Variants in CUX1 observed in about 807,000 individuals in gnomAD.
CUX1 encodes cut like homeobox 1.
In CUX1, 31 loss-of-function variants were observed where a neutral mutation model predicts 158.8. That is an observed-to-expected ratio of 0.20 (90% confidence interval 0.15 to 0.26). CUX1 has a LOEUF of 0.26. Ranked by LOEUF, CUX1 falls within the 10% of genes least tolerant of loss-of-function variation. CUX1 has a pLI of 1.00. For synonymous variants in CUX1, 879 were observed against 862.1 expected, an observed-to-expected ratio of 1.02 and a Z score of -0.34; for missense variants, 1,589 against 2,014.6, an observed-to-expected ratio of 0.79 and a Z score of 4.04.
At chr7:102,057,273 C>T (rs1289486054) in intron 3 of CUX1, among the ~76,000 whole-genome samples, 1 of 152,188 alleles carries the variant, frequency 6.6e-6, no homozygotes, top group Non-Finnish European at 1.5e-5. Flanking sequence ...TGGAGATGTA[C>T]AAGATGAATG....
intron 2 of CUX1, among the ~76,000 whole-genome samples, chr7:101,982,657 C>T (rs1322148888): frequency 6.6e-6 from 1 of 151,622 alleles, no homozygotes; most frequent in East Asian, 1.9e-4. Context: ...GAACTCCTGG[C>T]CTGAAACGAT....
chr7:101,880,112 T>C (rs1799564865), intron 1 of CUX1, among the ~76,000 whole-genome samples: 1 of 151,952 alleles, frequency 6.6e-6, no homozygotes, highest in Admixed American at 6.6e-5. Flanking sequence ...TAAAAACAAC[T>C]AAAGGCACAA....
At chr7:101,879,451 G>A (rs755215936) in intron 1 of CUX1, among the ~76,000 whole-genome samples, 2 of 152,072 alleles carry the variant, frequency 1.3e-5, no homozygotes, top group African/African-American at 2.4e-5. Context: ...GCAACTTTTC[G>A]CTTTATTGTT....
chr7:101,908,767 C>T (rs536023340), intron 1 of CUX1, among the ~76,000 whole-genome samples: 3 of 152,238 alleles, frequency 2.0e-5, no homozygotes, highest in South Asian at 2.1e-4. Flanking sequence ...AGAATGAATT[C>T]GGGTCTGAGG....
At chr7:102,281,739 C>T in intron 20 of CUX1, 1 of 780,088 alleles carries the variant, frequency 1.3e-6, no homozygotes, top group Non-Finnish European at 2.2e-6. Context: ...CTGTCCCTTC[C>T]CTCCCCTTGC....
intron 2 of CUX1, among the ~76,000 whole-genome samples, chr7:102,022,614 A>C (rs1277016428): frequency 2.0e-4 from 1 of 4,886 alleles, no homozygotes. Context: ...ACACTGTCTC[A>C]AAAAAAAAAA....
downstream of CUX1, among the ~76,000 whole-genome samples, chr7:102,260,795 A>G (rs1399911343): frequency 6.6e-6 from 1 of 152,108 alleles, no homozygotes; most frequent in Non-Finnish European, 1.5e-5. Flanking sequence ...ATGATGAGAT[A>G]TATTAGAGCA....
chr7:102,097,897 C>A (rs1450126207), intron 5 of CUX1, among the ~76,000 whole-genome samples: 1 of 152,228 alleles, frequency 6.6e-6, no homozygotes, highest in Admixed American at 6.5e-5. Context: ...GCTGTGGATA[C>A]ATTAAGGCTT....
At chr7:101,829,308 G>T (rs555530024) in intron 1 of CUX1, among the ~76,000 whole-genome samples, 1 of 152,270 alleles carries the variant, frequency 6.6e-6, no homozygotes, top group Admixed American at 6.5e-5. Context: ...ACATCCACTG[G>T]TGACAAGACA....
rs117647695 is a variant in CUX1, at chr7:102,102,818, A to C, written c.407-1518A>C. ...GCTGGGGCCACAGTGCTTTTCCACA[A>C]AGCATCCAGCATGCGGAGTGGCATA... On this transcript the variant is annotated intron_variant, in intron 5 of 23. Coordinates refer to ENST00000292535, the MANE Select transcript of CUX1 (RefSeq NM_181552.4). 7.4e-4 allele frequency among the ~76,000 whole-genome samples: 112 copies of C among 152,184 alleles called. 2 individuals carry two copies. The East Asian group carries it at 0.02, about 27-fold the overall frequency.
intron 20 of CUX1, among the ~76,000 whole-genome samples, chr7:102,215,922 C>G (rs1460704267): frequency 6.6e-6 from 1 of 152,240 alleles, no homozygotes; most frequent in Admixed American, 6.5e-5. Context: ...CACAGATGGG[C>G]ACCCCCAAGC....
intron 15 of CUX1, among the ~76,000 whole-genome samples, 160 bp downstream of exon 15, chr7:102,197,465 G>T (rs1794912655): frequency 6.6e-6 from 1 of 152,226 alleles, no homozygotes; most frequent in African/African-American, 2.4e-5. Context: ...CTCAAGGGTG[G>T]CCCGGCATGA....
In CUX1 at chr7:101,860,321, C is replaced by A. The variant is rs562083017; in HGVS notation, c.30+42652C>A. Among the ~76,000 whole-genome samples the A allele has an allele frequency of 5.4e-4, 83 of 152,328 alleles. No homozygotes were observed. In the Middle Eastern group the frequency reaches 0.01, roughly 19 times the overall value. On this transcript the variant is annotated intron_variant, in intron 1 of 23. Transcript: ENST00000292535. ...GGCCTGTCTAGTTTCATCTCCGCCC[C>A]TGCCTACTCCTGGAATTTTGAAAAG...
At chr7:101,957,031 G>A (rs1471398375) in intron 2 of CUX1, among the ~76,000 whole-genome samples, 1 of 152,200 alleles carries the variant, frequency 6.6e-6, no homozygotes, top group Non-Finnish European at 1.5e-5. Context: ...AAACAGGTGG[G>A]AGGGAACAAG....
At chr7:102,073,484 T>A (rs1374873131) in intron 4 of CUX1, among the ~76,000 whole-genome samples, 1 of 152,178 alleles carries the variant, frequency 6.6e-6, no homozygotes, top group Non-Finnish European at 1.5e-5. Flanking sequence ...AGCTGCTGTT[T>A]TCTAAATAAC....
At chr7:102,259,364 G>C (rs1790204124), downstream of CUX1, among the ~76,000 whole-genome samples, 1 of 152,224 alleles carries the variant, frequency 6.6e-6, no homozygotes, top group Non-Finnish European at 1.5e-5. Context: ...GAGGCCGGTG[G>C]ATCACTTGAG....
intron 12 of CUX1, 66 bp downstream of exon 12, chr7:102,189,937 C>G: frequency 6.4e-7 from 1 of 1,556,470 alleles, no homozygotes; most frequent in Non-Finnish European, 8.8e-7. Context: ...GCTAACAATG[C>G]CAGGCTGGTG....
At chr7:101,842,443 A>G (rs1368983913) in intron 1 of CUX1, among the ~76,000 whole-genome samples, 1 of 152,218 alleles carries the variant, frequency 6.6e-6, no homozygotes, top group Non-Finnish European at 1.5e-5. Flanking sequence ...GCTGGCACGC[A>G]GTGGCGTGAT....
At chr7:102,101,445 C>G (rs190797627) in intron 5 of CUX1, among the ~76,000 whole-genome samples, 6 of 152,306 alleles carry the variant, frequency 3.9e-5, no homozygotes, top group African/African-American at 1.4e-4. Context: ...TGGCCTCTGG[C>G]TGAGGTTGGG....
Sources: gnomAD v4.1 joint callset for allele counts (sites outside exome capture counted in the v4.1 genomes callset) on GRCh38, gnomAD v4.1.1 for gene constraint, MANE v1.5 for transcripts, NCBI Gene and HGNC (gene_info 2026-07-23, HGNC 2026-07-21) for gene names.